Variants in THAP5 observed in about 807,000 individuals in gnomAD.
The protein encoded by THAP5 is THAP domain-containing protein 5.
Under a neutral mutation model 34.0 loss-of-function variants are expected in THAP5, and 26 were observed. The ratio of observed to expected loss-of-function variants is 0.77; its 90% confidence interval spans 0.56 to 1.06. The LOEUF (loss-of-function observed/expected upper bound fraction) is 1.06, where lower values mean the gene tolerates loss of function less well. Ranked by LOEUF, THAP5 falls within the 50% of genes least tolerant of loss-of-function variation. The pLI, the probability that THAP5 is intolerant of heterozygous loss-of-function variation, is 0.00. For missense variants in THAP5, 394 were observed against 452.8 expected, an observed-to-expected ratio of 0.87 and a Z score of 1.18; for synonymous variants, 125 against 153.0, an observed-to-expected ratio of 0.82 and a Z score of 1.35.
chr7:108,561,305 C>T (rs1864428157), downstream of THAP5, among the ~76,000 whole-genome samples: 1 of 151,832 alleles, frequency 6.6e-6, no homozygotes, highest in East Asian at 1.9e-4. Context: ...ACTTTGATGC[C>T]CAGGCTGGAA....
In THAP5 at chr7:108,569,594, C is replaced by T; in HGVS notation, c.-25G>A. 6.5e-7 allele frequency: 1 copy of T among 1,550,098 alleles called. No homozygotes were observed. Among genetic ancestry groups the T allele is most frequent in the African/African-American group, 1.4e-5 (1 of 73,160 alleles). On this transcript the variant is annotated 5_prime_UTR_variant, in exon 1 of 3. Transcript: ENST00000415914. ...TGACTCGGGTGAGGCCCCTGGAGAC[C>T]GGGGCCGGCGACGGATGCAGGGCGG...
the THAP5 span, among the ~76,000 whole-genome samples, chr7:108,542,455 T>G: frequency 6.6e-5 from 10 of 152,188 alleles, no homozygotes; most frequent in East Asian, 3.8e-4. Flanking sequence ...TGTTTCTTTT[T>G]TTTGTTTGTT....
the THAP5 span, among the ~76,000 whole-genome samples, chr7:108,545,709 T>G: frequency 6.6e-6 from 1 of 152,190 alleles, no homozygotes; most frequent in African/African-American, 2.4e-5. Flanking sequence ...TTTTGTACTG[T>G]TGGGTTATTA....
chr7:108,567,016 A>C (rs977505227), intron 1 of THAP5, among the ~76,000 whole-genome samples: 7 of 152,098 alleles, frequency 4.6e-5, no homozygotes, highest in African/African-American at 1.7e-4. Context: ...TGTAGCTGTT[A>C]TACACTCCCT....
At chr7:108,556,977 C>T (rs1415345085) in intron 1 of THAP5, among the ~76,000 whole-genome samples, 1 of 152,254 alleles carries the variant, frequency 6.6e-6, no homozygotes, top group Non-Finnish European at 1.5e-5. Flanking sequence ...TCTGCACACC[C>T]ACAGTCCCAA....
Position 108,564,423 on chromosome 7 carries a change from T to C in THAP5, c.956A>G (p.Gln319Arg), listed in dbSNP as rs1175786315. The C allele has an allele frequency of 6.2e-7, 1 of 1,613,938 alleles. No individual in the cohort carries two copies. The highest frequency in any genetic ancestry group is 2.2e-5 in the East Asian group (1 of 44,814). ...KDVDYGTEVL[Q>R]IEHSYCRQDI... is the part of the protein sequence containing the mutation. ...TTGTCTGCAGTAAGAATGTTCGATT[T>C]GTAAAACTTCTGTCCCATAGTCTAC... is the stretch of plus-strand genomic sequence containing the variant. The change falls in exon 3 of 3, where the codon CAA (glutamine) becomes CGA (arginine). Residue 319 changes from glutamine to arginine, a missense_variant. By Grantham distance (43) the Gln-to-Arg change is conservative. Coordinates refer to ENST00000415914, the MANE Select transcript of THAP5 (RefSeq NM_001130475.3).
Position 108,563,425 on chromosome 7 carries a change from C to T in THAP5, c.*766G>A, listed in dbSNP as rs910425966. ...TGGTGGTGTGTGCCTATAATCCCAGCTACTCGGGAAGCTGAGGCAGAAGAA... is the reference window on the plus strand; with the variant it reads ...TGGTGGTGTGTGCCTATAATCCCAGTTACTCGGGAAGCTGAGGCAGAAGAA... On this transcript the variant is annotated 3_prime_UTR_variant, in exon 3 of 3. Coordinates refer to ENST00000415914, the MANE Select transcript of THAP5 (RefSeq NM_001130475.3). The T allele has an allele frequency of 6.6e-6, 1 of 150,580 alleles. No homozygotes were observed. The highest frequency in any genetic ancestry group is 2.4e-5 in the African/African-American group (1 of 40,950). 9.3% of individuals were successfully genotyped at this position (150,580 alleles called of 1,614,324 possible).
chr7:108,555,708 T>TC (rs531036731), intron 1 of THAP5, among the ~76,000 whole-genome samples: 2 of 149,638 alleles, frequency 1.3e-5, no homozygotes, highest in Non-Finnish European at 3.0e-5. Flanking sequence ...TTTTCTTTTT[T>TC]TTTTTTTTTT....
downstream of THAP5, among the ~76,000 whole-genome samples, chr7:108,549,910 CGTT>C (rs1044124918): frequency 2.0e-4 from 30 of 152,234 alleles, no homozygotes; most frequent in African/African-American, 7.2e-4. Context: ...TCTCTAGTAA[CGTT>C]GTATTGGGGC....
the THAP5 span, among the ~76,000 whole-genome samples, chr7:108,547,828 G>A: frequency 6.6e-6 from 1 of 152,136 alleles, no homozygotes; most frequent in Non-Finnish European, 1.5e-5. Context: ...GATAAAATAC[G>A]TAAAGAGCTT....
At chr7:108,548,278 A>G in the THAP5 span, among the ~76,000 whole-genome samples, 3 of 152,220 alleles carry the variant, frequency 2.0e-5, no homozygotes, top group African/African-American at 7.2e-5. Context: ...AGTAGGTGCT[A>G]TTGTTCACCT....
chr7:108,565,856 T>C lies in THAP5; in HGVS notation c.247A>G (p.Ile83Val), dbSNP rs753356834. Residue 83 changes from isoleucine (I) to valine (V), a missense_variant, in exon 2 of 3, where the codon ATA becomes GTA. Physicochemically the swap from Ile to Val is conservative, Grantham distance 29. Transcript: ENST00000415914. ...RYLKQTAVPT[I>V]FSLPEDNQGK... ...TGATTGTCTTCAGGCAAAGAAAATATTGTTGGAACTGCAGTTTGTTTTAAA... is the reference window on the plus strand; with the variant it reads ...TGATTGTCTTCAGGCAAAGAAAATACTGTTGGAACTGCAGTTTGTTTTAAA... 6 of 1,546,644 alleles carry C rather than the reference T, an allele frequency of 3.9e-6. No individual in the cohort carries two copies. Among genetic ancestry groups the C allele is most frequent in the South Asian group, 1.2e-5 (1 of 83,292 alleles).
downstream of THAP5, among the ~76,000 whole-genome samples, chr7:108,557,783 T>C (rs1395191831): frequency 6.6e-6 from 1 of 152,210 alleles, no homozygotes; most frequent in African/African-American, 2.4e-5. Flanking sequence ...GCTTCTACAT[T>C]TTCACATATC....
chr7:108,559,764 G>GAA (rs1864413466), downstream of THAP5, among the ~76,000 whole-genome samples: 5 of 152,160 alleles, frequency 3.3e-5, no homozygotes, highest in South Asian at 4.2e-4. Context: ...GAGAGAGAGA[G>GAA]AGTGAGCGAG....
At chr7:108,555,111 A>T (rs773021306) in intron 1 of THAP5, among the ~76,000 whole-genome samples, 181 of 152,280 alleles carry the variant, frequency 1.2e-3, no homozygotes, top group Non-Finnish European at 1.3e-3. Context: ...TAGAGAGCCA[A>T]TATGCTAATT....
chr7:108,543,477 A>G, the THAP5 span, among the ~76,000 whole-genome samples: 1 of 152,232 alleles, frequency 6.6e-6, no homozygotes, highest in East Asian at 1.9e-4. Context: ...GGAGTAAGGC[A>G]TGCTTAGCCA....
chr7:108,549,792 C>T (rs1864342260), downstream of THAP5, among the ~76,000 whole-genome samples: 1 of 152,156 alleles, frequency 6.6e-6, no homozygotes, highest in African/African-American at 2.4e-5. Flanking sequence ...AGATATTCAA[C>T]ACATTAGTTA....
At chr7:108,558,377 GTA>G (rs1233660542), downstream of THAP5, among the ~76,000 whole-genome samples, 56 of 63,002 alleles carry the variant, frequency 8.9e-4, 2 homozygotes, top group African/African-American at 1.8e-3. Flanking sequence ...ATGTGTGTGT[GTA>G]TGTATATATA....
At chr7:108,559,796 T>TA (rs1304320968), downstream of THAP5, among the ~76,000 whole-genome samples, 1 of 151,964 alleles carries the variant, frequency 6.6e-6, no homozygotes, top group Admixed American at 6.6e-5. Flanking sequence ...GAGCCCCTTA[T>TA]AAAAATCATC....
Sources: allele counts gnomAD v4.1 joint callset (sites outside exome capture counted in the v4.1 genomes callset), GRCh38; gene constraint gnomAD v4.1.1; transcripts MANE v1.5; gene names NCBI Gene and HGNC (gene_info 2026-07-23, HGNC 2026-07-21).